Variants in ADCY2 observed in about 807,000 individuals in gnomAD.
ADCY2 encodes adenylate cyclase type 2.
In ADCY2, 31 loss-of-function variants were observed where a neutral mutation model predicts 125.2. The observed-to-expected ratio is 0.25, with a 90% CI of 0.19 to 0.33. The LOEUF is 0.33. ADCY2 is among the 10% of genes least tolerant of loss of function. The probability of loss-of-function intolerance (pLI) is 1.00; values close to 1 mark genes in which losing one functional copy is unlikely to be tolerated. For synonymous variants in ADCY2, 512 were observed against 548.4 expected (o/e 0.93, Z 0.93); for missense variants, 904 against 1,418.2 (o/e 0.64, Z 5.82).
At chr5:7,462,955 G>A (rs1055995245) in intron 2 of ADCY2, among the ~76,000 whole-genome samples, 1 of 152,186 alleles carries the variant, frequency 6.6e-6, no homozygotes, top group Non-Finnish European at 1.5e-5. Flanking sequence ...AGCCTGAAAG[G>A]AGAGGGAATG....
chr5:7,536,070 AT>A (rs2126553159), intron 3 of ADCY2, among the ~76,000 whole-genome samples: 1 of 152,350 alleles, frequency 6.6e-6, no homozygotes, highest in South Asian at 2.1e-4. Flanking sequence ...TCAGTGCAGT[AT>A]TTTACTGCTG....
intron 1 of ADCY2, among the ~76,000 whole-genome samples, chr5:7,399,903 T>C (rs1561004300): frequency 6.6e-6 from 1 of 152,220 alleles, no homozygotes. Flanking sequence ...ATAAATCTTA[T>C]CATGTCACTT....
intron 1 of ADCY2, among the ~76,000 whole-genome samples, chr5:7,408,365 G>A (rs1739582034): frequency 6.6e-6 from 1 of 151,982 alleles, no homozygotes; most frequent in African/African-American, 2.4e-5. Flanking sequence ...ACATTAGGTG[G>A]CTATTATTAT....
At chr5:7,597,839 C>T (rs1024317256) in intron 3 of ADCY2, among the ~76,000 whole-genome samples, 2 of 152,220 alleles carry the variant, frequency 1.3e-5, no homozygotes, top group African/African-American at 4.8e-5. Flanking sequence ...TTCATTCATT[C>T]GTTCTCACCC....
intron 2 of ADCY2, among the ~76,000 whole-genome samples, chr5:7,498,350 G>A (rs934131849): frequency 3.6e-5 from 5 of 138,306 alleles, no homozygotes; most frequent in African/African-American, 1.3e-4. Flanking sequence ...CCAGGTTCAC[G>A]CCATTCTCCT....
chr5:7,726,745 A>G (rs181799238), intron 13 of ADCY2, among the ~76,000 whole-genome samples: 3 of 152,328 alleles, frequency 2.0e-5, no homozygotes, highest in Non-Finnish European at 1.5e-5. Context: ...TATGTCTTGC[A>G]TTTCCTCAGT....
intron 2 of ADCY2, among the ~76,000 whole-genome samples, chr5:7,465,069 C>T (rs1170195299): frequency 6.6e-6 from 1 of 152,152 alleles, no homozygotes; most frequent in Non-Finnish European, 1.5e-5. Flanking sequence ...GACTTACTCA[C>T]TACTATGAGA....
chr5:7,414,769 A>G lies in ADCY2; in HGVS notation c.407A>G (p.Gln136Arg). Residue 136 changes from glutamine (Q) to arginine (R), a missense_variant and splice_region_variant, in exon 2 of 25, where the codon CAG becomes CGG. By Grantham distance (43) the Gln-to-Arg change is conservative. Coordinates refer to ENST00000338316, the MANE Select transcript of ADCY2 (RefSeq NM_020546.3). Reference protein sequence around the residue: ...CFGGTVSPWDQVSFFLFIIFV... With the variant: ...CFGGTVSPWDRVSFFLFIIFV... ...GGAGGCACCGTCTCTCCCTGGGACC[A>G]GGTAAGGTGTGAAAATATTTTTTGT... The G allele has an allele frequency of 6.2e-7, 1 of 1,601,726 alleles. No individual in the cohort carries two copies. The highest frequency in any genetic ancestry group is 8.5e-7 in the Non-Finnish European group (1 of 1,176,226).
At chr5:7,453,360 C>T (rs1741543308) in intron 2 of ADCY2, among the ~76,000 whole-genome samples, 1 of 152,090 alleles carries the variant, frequency 6.6e-6, no homozygotes, top group Non-Finnish European at 1.5e-5. Flanking sequence ...ACGTTGTGTT[C>T]TCCCCCTGAT....
intron 4 of ADCY2, among the ~76,000 whole-genome samples, chr5:7,673,537 T>G (rs1368395927): frequency 6.6e-6 from 1 of 151,996 alleles, no homozygotes; most frequent in Non-Finnish European, 1.5e-5. Context: ...CTGTGGGCAT[T>G]GGAGTTGGGT....
intron 18 of ADCY2, 75 bp from the exon 19 acceptor site, chr5:7,784,290 A>C: frequency 7.7e-6 from 8 of 1,039,886 alleles, no homozygotes; most frequent in Admixed American, 3.6e-5. Flanking sequence ...ATATTTGTTG[A>C]TATTCAAATT....
intron 2 of ADCY2, among the ~76,000 whole-genome samples, chr5:7,477,320 A>G (rs1742562534): frequency 6.6e-6 from 1 of 152,264 alleles, no homozygotes; most frequent in Non-Finnish European, 1.5e-5. Context: ...AGTTTCTCAT[A>G]TGCCCTCACT....
intron 2 of ADCY2, among the ~76,000 whole-genome samples, chr5:7,495,191 C>T (rs896237716): frequency 1.3e-5 from 2 of 152,194 alleles, no homozygotes; most frequent in East Asian, 1.9e-4. Context: ...TAATCACCCC[C>T]GTGCCTCACC....
intron 3 of ADCY2, among the ~76,000 whole-genome samples, chr5:7,592,303 G>A (rs1736869993): frequency 6.6e-6 from 1 of 152,086 alleles, no homozygotes; most frequent in African/African-American, 2.4e-5. Context: ...TCAGATGGAA[G>A]CTGATATCGT....
chr5:7,757,695 C>T (rs1268770031), intron 16 of ADCY2, 109 bp downstream of exon 16: 6 of 1,450,936 alleles, frequency 4.1e-6, no homozygotes, highest in Admixed American at 2.4e-5. Flanking sequence ...AAGCCCCACA[C>T]CATAGCTGTG....
At chr5:7,414,898 G>T (rs547251321) in intron 2 of ADCY2, 128 bp downstream of exon 2, 28 of 692,216 alleles carry the variant, frequency 4.0e-5, no homozygotes, top group East Asian at 5.9e-5. Context: ...TATTTTTTTC[G>T]ATTTATATTG....
intron 4 of ADCY2, among the ~76,000 whole-genome samples, chr5:7,645,119 T>C (rs1263594918): frequency 2.0e-5 from 3 of 152,220 alleles, no homozygotes; most frequent in Non-Finnish European, 2.9e-5. Context: ...GGTTTCCTTA[T>C]CTGTAGAGCA....
intron 2 of ADCY2, among the ~76,000 whole-genome samples, chr5:7,508,838 C>T (rs955223580): frequency 3.3e-5 from 5 of 152,284 alleles, no homozygotes; most frequent in Non-Finnish European, 7.3e-5. Flanking sequence ...AAAACCCCCT[C>T]CAAAAGAAGT....
intron 20 of ADCY2, chr5:7,795,254 G>A (rs1325067279): frequency 6.6e-6 from 1 of 152,218 alleles, no homozygotes; most frequent in East Asian, 1.9e-4. Flanking sequence ...TGCATGGCAT[G>A]TAGTAAATAC....
Sources: gnomAD v4.1 joint callset for allele counts (sites outside exome capture counted in the v4.1 genomes callset) on GRCh38, gnomAD v4.1.1 for gene constraint, MANE v1.5 for transcripts, NCBI Gene and HGNC (gene_info 2026-07-23, HGNC 2026-07-21) for gene names.